The following PCGF1 variants were observed in gnomAD, a reference collection of about 807,000 sequenced individuals.
PCGF1 encodes polycomb group RING finger protein 1.
PCGF1 carries 10 observed loss-of-function variants against 38.8 expected under a neutral mutation model. That is an observed-to-expected ratio of 0.26 (90% CI 0.16 to 0.44). The LOEUF (loss-of-function observed/expected upper bound fraction) is 0.44, where lower values mean the gene tolerates loss of function less well. Among genes scored for constraint, PCGF1 ranks in the 20% least tolerant of loss-of-function variants. The pLI is 1.00. For missense variants in PCGF1, 230 were observed against 331.5 expected (o/e 0.69, Z 2.38); for synonymous variants, 119 against 121.3 (o/e 0.98, Z 0.12).
rs763085244 is a variant in PCGF1, at chr2:74,507,610, T to C, written c.59A>G (p.Gln20Arg). Reference sequence around the variant, plus strand: ...TAGCGGGTCCATCTTGTACACTGACTGGAGCTGGTTCCGAAGCCTCATCGC... The same window carrying C: ...TAGCGGGTCCATCTTGTACACTGACCGGAGCTGGTTCCGAAGCCTCATCGC... ...AIAMRLRNQLQSVYKMDPLRN... is the reference protein window; with the variant it reads ...AIAMRLRNQLRSVYKMDPLRN... Residue 20 changes from glutamine (Q) to arginine (R), a missense_variant, in exon 1 of 9, where the codon CAG becomes CGG. By Grantham distance (43) the Gln-to-Arg change is conservative. Transcript: ENST00000233630. The C allele has an allele frequency of 6.3e-7, 1 of 1,588,248 alleles. No homozygotes were observed. The highest frequency in any genetic ancestry group is 8.6e-7 in the Non-Finnish European group (1 of 1,167,638).
At position 74,507,648 on chromosome 2, in the gene PCGF1, G is replaced by GC; in HGVS notation, c.20dup (p.Gln8ProfsTer36). The GC allele has an allele frequency of 6.4e-7, 1 of 1,567,594 alleles. No individual in the cohort carries two copies. The highest frequency in any genetic ancestry group is 8.6e-7 in the Non-Finnish European group (1 of 1,156,878). ...GAAGCCTCATCGCGATCGCAATCTG[G>GC]CCCCCCTGAGGAGACGCCATCTTAA... On this transcript the variant is annotated frameshift_variant, in exon 1 of 9. Coordinates refer to ENST00000233630, the MANE Select transcript of PCGF1 (RefSeq NM_032673.3). LOFTEE classifies it high-confidence loss of function.
At chr2:74,505,251 C>T (rs948888466) in intron 8 of PCGF1, 61 bp from the exon 9 acceptor site, 7 of 1,566,242 alleles carry the variant, frequency 4.5e-6, no homozygotes, top group Non-Finnish European at 6.1e-6. Context: ...TTCAAAGGGC[C>T]CCTCAGCCCA....
intron 1 of PCGF1, 191 bp downstream of exon 1, chr2:74,507,385 C>A: frequency 6.9e-7 from 1 of 1,454,062 alleles, no homozygotes; most frequent in Non-Finnish European, 9.0e-7. Context: ...GGGGAGACTA[C>A]ACAACGTCGG....
In PCGF1 at chr2:74,506,009, G is replaced by C. The variant is rs1674622357; in HGVS notation, c.473C>G (p.Ser158Cys). 1 of 1,614,108 alleles carries C rather than the reference G, an allele frequency of 6.2e-7. No homozygotes were observed. The change falls in exon 5 of 9, where the codon TCT (serine) becomes TGT (cysteine). Residue 158 changes from serine (S) to cysteine (C), a missense_variant. Around this residue, in one of 3 missense-constraint regions of PCGF1, gnomAD observed 144 missense variants for 182.4 expected, o/e 0.79. Transcript: ENST00000233630. ...ATCATAGCGATAGTAGTGGGCTTTA[G>C]AGTGGTCAAAGCTGCTGAAGGGGAG... ...LGLPFSSFDHSKAHYYRYDEQ... is the reference protein window; with the variant it reads ...LGLPFSSFDHCKAHYYRYDEQ...
At chr2:74,506,501 C>G in intron 3 of PCGF1, 1 of 618,532 alleles carries the variant, frequency 1.6e-6, no homozygotes, top group South Asian at 2.0e-5. Context: ...TGGCATGAAT[C>G]CAGGAGGTGG....
chr2:74,506,551 C>T, intron 3 of PCGF1, 181 bp downstream of exon 3: 1 of 705,234 alleles, frequency 1.4e-6, no homozygotes, highest in Non-Finnish European at 2.3e-6. Context: ...GCACTCCAGC[C>T]TGGGCAAGAC....
intron 4 of PCGF1, 49 bp from the exon 5 acceptor site, chr2:74,506,106 C>G (rs1258093452): frequency 6.2e-7 from 1 of 1,612,252 alleles, no homozygotes; most frequent in East Asian, 2.2e-5. Context: ...ATTCCATACT[C>G]CTCTTTCCCC....
intron 5 of PCGF1, 89 bp from the exon 6 acceptor site, chr2:74,505,859 G>A (rs1190559941): frequency 1.9e-6 from 3 of 1,603,416 alleles, no homozygotes; most frequent in African/African-American, 1.3e-5. Context: ...AAGGGGATAG[G>A]CACTCACTCA....
intron 7 of PCGF1, 29 bp downstream of exon 7, chr2:74,505,523 C>A: frequency 6.2e-7 from 1 of 1,613,818 alleles, no homozygotes. Context: ...CCTTCTCCCC[C>A]TCAAGAAACC....
At chr2:74,507,201 G>A in intron 1 of PCGF1, 54 bp from the exon 2 acceptor site, 2 of 1,569,236 alleles carry the variant, frequency 1.3e-6, no homozygotes, top group Non-Finnish European at 1.7e-6. Flanking sequence ...CAACCCGTGC[G>A]CCTTCCCACC....
Position 74,505,136 on chromosome 2 carries a change from T to C in PCGF1, c.*7A>G. The C allele has an allele frequency of 6.7e-7, 1 of 1,496,026 alleles. No individual in the cohort carries two copies. The highest frequency in any genetic ancestry group is 8.9e-7 in the Non-Finnish European group (1 of 1,121,330). The allele number at this position is 1,496,026 out of a possible 1,614,324, so 92.7% of individuals were successfully genotyped here. ...AAGGGGAGTGGGATGGGGTGGGGGCTTGGCCCCTACCTCCTCTTCTCTTTC... is the reference window on the plus strand; with the variant it reads ...AAGGGGAGTGGGATGGGGTGGGGGCCTGGCCCCTACCTCCTCTTCTCTTTC... On this transcript the variant is annotated 3_prime_UTR_variant, in exon 9 of 9. Transcript: ENST00000233630.
In PCGF1 at chr2:74,507,605, C is replaced by G; in HGVS notation, c.64G>C (p.Val22Leu). The G allele has an allele frequency of 6.3e-7, 1 of 1,588,552 alleles. No homozygotes were observed. Among genetic ancestry groups the G allele is most frequent in the Non-Finnish European group, 8.6e-7 (1 of 1,167,798 alleles). The change falls in exon 1 of 9, where the codon GTG becomes CTG. Residue 22 changes from valine to leucine, a missense_variant. By Grantham distance (32) the Val-to-Leu change is conservative. Coordinates refer to ENST00000233630, the MANE Select transcript of PCGF1 (RefSeq NM_032673.3). ...AMRLRNQLQS[V>L]YKMDPLRNEE... ...TTCCGTAGCGGGTCCATCTTGTACA[C>G]TGACTGGAGCTGGTTCCGAAGCCTC...
At chr2:74,505,679 G>C in intron 6 of PCGF1, 41 bp from the exon 7 acceptor site, 2 of 1,614,058 alleles carry the variant, frequency 1.2e-6, no homozygotes, top group Non-Finnish European at 1.7e-6. Flanking sequence ...AGGTGTGTGA[G>C]GGAAGGACCA....
chr2:74,506,705 C>T, intron 3 of PCGF1, 27 bp downstream of exon 3: 1 of 1,612,480 alleles, frequency 6.2e-7, no homozygotes, highest in Non-Finnish European at 8.5e-7. Context: ...CCTCAAGAGG[C>T]CCCTCAAAGT....
Position 74,507,644 on chromosome 2 carries a change from T to G in PCGF1, c.25A>C (p.Ile9Leu). 1 of 1,571,892 alleles carries G rather than the reference T, an allele frequency of 6.4e-7. No individual in the cohort carries two copies. The highest frequency in any genetic ancestry group is 8.6e-7 in the Non-Finnish European group (1 of 1,159,200). The change falls in exon 1 of 9, where the codon ATT becomes CTT. Residue 9 changes from isoleucine to leucine, a missense_variant. Transcript: ENST00000233630. MASPQGGQ[I>L]AIAMRLRNQL... Reference sequence around the variant, plus strand: ...TTCCGAAGCCTCATCGCGATCGCAATCTGGCCCCCCTGAGGAGACGCCATC... The same window carrying G: ...TTCCGAAGCCTCATCGCGATCGCAAGCTGGCCCCCCTGAGGAGACGCCATC...
Position 74,507,160 on chromosome 2 carries a change from C to G in PCGF1, c.94-13G>C. ...CTCGAACCTCCTCCTGAAGATACAC[C>G]CTCCGTCACCAATCATCCACCCTCA... On this transcript the variant is annotated splice_polypyrimidine_tract_variant and intron_variant, in intron 1 of 8. Coordinates refer to ENST00000233630, the MANE Select transcript of PCGF1 (RefSeq NM_032673.3). 1.2e-6 allele frequency: 2 copies of G among 1,611,102 alleles called. No individual in the cohort carries two copies. The highest frequency in any genetic ancestry group is 1.7e-6 in the Non-Finnish European group (2 of 1,177,604).
intron 8 of PCGF1, 51 bp downstream of exon 8, chr2:74,505,288 T>G (rs2240443): frequency 0.2 from 312,518 of 1,580,130 alleles, 54,243 homozygotes; most frequent in East Asian, 0.84. Flanking sequence ...TGTAGGATGG[T>G]TGGGGGGAGT....
At chr2:74,507,553 C>A (rs1308175005) in intron 1 of PCGF1, 23 bp downstream of exon 1, 1 of 1,569,056 alleles carries the variant, frequency 6.4e-7, no homozygotes, top group East Asian at 2.4e-5. Flanking sequence ...CCGACCACAG[C>A]AGTAACCCTG....
chr2:74,506,093 C>T (rs769987039), intron 4 of PCGF1, 36 bp from the exon 5 acceptor site: 93 of 1,612,548 alleles, frequency 5.8e-5, no homozygotes, highest in Middle Eastern at 3.3e-4. Context: ...GCTGGTGGCA[C>T]ACATTCCATA....
Sources: gnomAD v4.1 joint callset for allele counts on GRCh38, gnomAD v4.1.1 for gene constraint, gnomAD v4.1.1 regional missense constraint, MANE v1.5 for transcripts, NCBI Gene and HGNC (gene_info 2026-07-23, HGNC 2026-07-21) for gene names.